SGCZ: variants seen among roughly 807,000 people sequenced by gnomAD.
The protein encoded by SGCZ is sarcoglycan zeta.
In SGCZ, 40 loss-of-function variants were observed where a neutral mutation model predicts 41.3. The observed-to-expected ratio is 0.97, with a 90% CI of 0.75 to 1.26. SGCZ has a LOEUF of 1.26. Ranked by LOEUF, SGCZ falls within the 50% of genes most tolerant of loss-of-function variation. The probability of loss-of-function intolerance (pLI) is 0.00; values close to 1 mark genes in which losing one functional copy is unlikely to be tolerated. For synonymous variants in SGCZ, 206 were observed against 137.5 expected, an observed-to-expected ratio of 1.50 and a Z score of -3.49; for missense variants, 552 against 369.8, an observed-to-expected ratio of 1.49 and a Z score of -4.04.
intron 3 of SGCZ, among the ~76,000 whole-genome samples, chr8:14,243,951 T>C (rs1354546416): frequency 6.6e-6 from 1 of 152,198 alleles, no homozygotes; most frequent in Non-Finnish European, 1.5e-5. Context: ...TGCTGTCAAT[T>C]AGTTTTTCTC....
intron 1 of SGCZ, among the ~76,000 whole-genome samples, chr8:14,908,738 C>A: frequency 1.1e-5 from 1 of 90,198 alleles, no homozygotes; most frequent in African/African-American, 5.0e-5. Context: ...GATCTGTCAC[C>A]GTTGCAAAAA....
intron 6 of SGCZ, among the ~76,000 whole-genome samples, chr8:14,106,026 G>T (rs1331926415): frequency 2.6e-5 from 4 of 152,050 alleles, no homozygotes; most frequent in African/African-American, 9.7e-5. Flanking sequence ...AAAAAAATTG[G>T]AATCAATGCT....
chr8:14,093,680 C>A (rs181461593), intron 7 of SGCZ, among the ~76,000 whole-genome samples: 1 of 152,012 alleles, frequency 6.6e-6, no homozygotes, highest in Non-Finnish European at 1.5e-5. Context: ...AAGACTACTG[C>A]ACACTACAAT....
At chr8:14,092,446 G>T (rs990801988) in intron 7 of SGCZ, among the ~76,000 whole-genome samples, 1 of 151,898 alleles carries the variant, frequency 6.6e-6, no homozygotes, top group Non-Finnish European at 1.5e-5. Context: ...ACTCATAAAA[G>T]TGTGTGGACT....
At chr8:14,576,729 G>C (rs1804722880) in intron 1 of SGCZ, among the ~76,000 whole-genome samples, 1 of 152,096 alleles carries the variant, frequency 6.6e-6, no homozygotes. Flanking sequence ...CAATTTCCTT[G>C]GACAGCATTC....
At chr8:15,078,016 A>G (rs1178918411) in intron 1 of SGCZ, among the ~76,000 whole-genome samples, 1 of 138,380 alleles carries the variant, frequency 7.2e-6, no homozygotes, top group East Asian at 2.1e-4. Context: ...TGGAGGCCCC[A>G]TGCACTGGGG....
At chr8:15,074,513 TA>T (rs1233876012) in intron 1 of SGCZ, among the ~76,000 whole-genome samples, 1 of 152,170 alleles carries the variant, frequency 6.6e-6, no homozygotes, top group Non-Finnish European at 1.5e-5. Flanking sequence ...GCCCCATTCA[TA>T]AATTTATTTC....
chr8:14,379,990 C>T (rs867151530), intron 2 of SGCZ, among the ~76,000 whole-genome samples: 1 of 152,164 alleles, frequency 6.6e-6, no homozygotes, highest in African/African-American at 2.4e-5. Flanking sequence ...ACCTCGGCCT[C>T]CGAAGTGCTG....
chr8:15,203,331 C>T (rs1330008541), intron 1 of SGCZ, among the ~76,000 whole-genome samples: 2 of 152,054 alleles, frequency 1.3e-5, no homozygotes. Context: ...ATAACAAAAT[C>T]GACAGTAGTG....
intron 1 of SGCZ, among the ~76,000 whole-genome samples, chr8:15,170,073 T>C (rs1799782962): frequency 6.6e-6 from 1 of 152,204 alleles, no homozygotes; most frequent in South Asian, 2.1e-4. Flanking sequence ...TCAAAGAACG[T>C]TTTAAATGGC....
At chr8:14,244,933 A>G (rs1377148549) in intron 3 of SGCZ, among the ~76,000 whole-genome samples, 1 of 151,966 alleles carries the variant, frequency 6.6e-6, no homozygotes, top group Non-Finnish European at 1.5e-5. Flanking sequence ...TGATTTTTGT[A>G]CATTGATTTT....
chr8:14,763,952 T>C (rs931634076), intron 1 of SGCZ, among the ~76,000 whole-genome samples: 1 of 152,190 alleles, frequency 6.6e-6, no homozygotes, highest in Non-Finnish European at 1.5e-5. Context: ...CTTGCGGTAA[T>C]CAAGTAGTTA....
intron 3 of SGCZ, among the ~76,000 whole-genome samples, chr8:14,303,977 C>T (rs1002194381): frequency 2.6e-5 from 4 of 151,878 alleles, no homozygotes; most frequent in Non-Finnish European, 4.4e-5. Flanking sequence ...GCCTCGAACT[C>T]CTGACCTCAA....
chr8:14,245,648 G>C lies in SGCZ; in HGVS notation c.337-7969C>G, dbSNP rs927208169. ...CACAGCAAAAGAAACTACCATCAGC[G>C]TGAAAAGGCAATACACAAAACGGGA... On this transcript the variant is annotated intron_variant, in intron 3 of 7. Coordinates refer to ENST00000382080, the MANE Select transcript of SGCZ (RefSeq NM_139167.4). Among the ~76,000 whole-genome samples, 4 of 151,884 alleles carry C rather than the reference G, an allele frequency of 2.6e-5. No homozygotes were observed. The Admixed American group carries it at 2.6e-4, about 10-fold the overall frequency.
chr8:14,930,567 C>G (rs951797471), intron 1 of SGCZ, among the ~76,000 whole-genome samples: 2 of 151,930 alleles, frequency 1.3e-5, no homozygotes, highest in Non-Finnish European at 2.9e-5. Context: ...TTCACAATAG[C>G]AAAGACTTGG....
At chr8:14,285,824 C>T (rs1800601790) in intron 3 of SGCZ, among the ~76,000 whole-genome samples, 1 of 152,024 alleles carries the variant, frequency 6.6e-6, no homozygotes, top group African/African-American at 2.4e-5. Flanking sequence ...TGGAGAGAGG[C>T]TTATACTGCA....
chr8:14,287,519 C>G (rs1391675204), intron 3 of SGCZ, among the ~76,000 whole-genome samples: 1 of 151,894 alleles, frequency 6.6e-6, no homozygotes, highest in East Asian at 1.9e-4. Flanking sequence ...ACTCAGCAAA[C>G]CTATTTCAAG....
intron 1 of SGCZ, among the ~76,000 whole-genome samples, chr8:15,134,714 A>G (rs548509256): frequency 2.0e-4 from 30 of 152,356 alleles, no homozygotes; most frequent in African/African-American, 4.1e-4. Flanking sequence ...TTCCTATGAC[A>G]CACTTGTGTT....
intron 2 of SGCZ, among the ~76,000 whole-genome samples, chr8:14,409,769 T>C (rs1242751832): frequency 6.6e-6 from 1 of 152,136 alleles, no homozygotes; most frequent in Non-Finnish European, 1.5e-5. Flanking sequence ...TATACATATA[T>C]AGCAACACAT....
Sources: gnomAD v4.1 joint callset for allele counts (sites outside exome capture counted in the v4.1 genomes callset) on GRCh38, gnomAD v4.1.1 for gene constraint, MANE v1.5 for transcripts, NCBI Gene and HGNC (gene_info 2026-07-23, HGNC 2026-07-21) for gene names.